The following GPS1 variants were observed in gnomAD, a reference collection of about 807,000 sequenced individuals.
The protein encoded by GPS1 is G protein pathway suppressor 1, also known as COP9 signalosome complex subunit 1.
In GPS1, 11 loss-of-function variants were observed where a neutral mutation model predicts 60.0. The ratio of observed to expected loss-of-function variants is 0.18; its 90% CI spans 0.12 to 0.30. GPS1 has a LOEUF of 0.30. Ranked by LOEUF, GPS1 falls within the 10% of genes least tolerant of loss-of-function variation. The pLI, the probability that GPS1 is intolerant of heterozygous loss-of-function variation, is 1.00. For synonymous variants in GPS1, 343 were observed against 269.8 expected (o/e 1.27, Z -2.66); for missense variants, 543 against 669.2 (o/e 0.81, Z 2.08).
At chr17:82,052,577 G>A (rs2031111414) in intron 1 of GPS1, 19 of 1,266,646 alleles carry the variant, frequency 1.5e-5, no homozygotes, top group Non-Finnish European at 1.9e-5. Flanking sequence ...AGTGCCAAGC[G>A]CAGGAGGGGA....
chr17:82,051,170 C>A, upstream of GPS1: 1 of 1,302,628 alleles, frequency 7.7e-7, no homozygotes, highest in Admixed American at 4.0e-5. The surrounding 1 kb of genome is among the most constrained non-coding windows in gnomAD (Gnocchi z 4.1). Context: ...AGCGTCGGGG[C>A]CTCCCCGGGC....
In GPS1 at chr17:82,056,499, C is replaced by G. The variant is rs949076879; in HGVS notation, c.1065C>G (p.Ala355=). 1 of 1,613,172 alleles carries G rather than the reference C, an allele frequency of 6.2e-7. No individual in the cohort carries two copies. Among genetic ancestry groups the G allele is most frequent in the Non-Finnish European group, 8.5e-7 (1 of 1,180,008 alleles). ...KDNLLLDMYL[A]PHVRTLYTQI... is the part of the protein sequence containing the mutation. ...ACCTGCTCCTGGACATGTATCTGGC[C>G]CCCCATGTCAGGACCCTGTACACCC... The change falls in exon 10 of 13, where the codon GCC becomes GCG. Residue 355 remains alanine (A), a synonymous_variant. Transcript: ENST00000578552.
In GPS1 at chr17:82,053,878, A is replaced by G; in HGVS notation, c.137A>G (p.Gln46Arg). The G allele has an allele frequency of 1.2e-6, 2 of 1,609,442 alleles. No homozygotes were observed. Among genetic ancestry groups the G allele is most frequent in the Non-Finnish European group, 1.7e-6 (2 of 1,178,628 alleles). The change falls in exon 3 of 13, where the codon CAG (glutamine) becomes CGG (arginine). Residue 46 changes from glutamine to arginine, a missense_variant. This residue lies in a region of GPS1 where 181 missense variants were observed against 188.8 expected (regional missense o/e 0.96). Transcript: ENST00000578552. ...VVENPSLDLE[Q>R]YAASYSGLMR... Reference sequence around the variant, plus strand: ...TGTGCCTGCTCCCAGGATCTGGAACAGTACGCGGCCAGCTACAGCGGCCTG... The same window carrying G: ...TGTGCCTGCTCCCAGGATCTGGAACGGTACGCGGCCAGCTACAGCGGCCTG...
upstream of GPS1, chr17:82,051,386 G>C: frequency 7.0e-7 from 1 of 1,432,628 alleles, no homozygotes; most frequent in Non-Finnish European, 9.1e-7. This position sits in a 1 kb window ranked among gnomAD's most constrained non-coding sequence, Gnocchi z 4.1. Flanking sequence ...CGCTGCCCAG[G>C]CCGGAGACCG....
intron 6 of GPS1, chr17:82,055,505 A>G: frequency 1.6e-6 from 1 of 607,282 alleles, no homozygotes; most frequent in Non-Finnish European, 2.9e-6. Context: ...CCCTGCTAGC[A>G]CCTAGGGCTT....
Position 82,054,798 on chromosome 17 carries a change from C to G in GPS1, c.597C>G (p.Leu199=), listed in dbSNP as rs1454349416. ...TSAKHVINMC[L]NVIKVSVYLQ... is the part of the protein sequence containing the mutation. Reference sequence around the variant, plus strand: ...CCAAACACGTCATCAACATGTGCCTCAATGTCATCAAGGTCGGCCTGCCTC... The same window carrying G: ...CCAAACACGTCATCAACATGTGCCTGAATGTCATCAAGGTCGGCCTGCCTC... Residue 199 remains leucine, a synonymous_variant, in exon 4 of 13, where the codon CTC becomes CTG. Coordinates refer to ENST00000578552, the MANE Select transcript of GPS1 (RefSeq NM_001321092.3). 1 of 1,600,380 alleles carries G rather than the reference C, an allele frequency of 6.2e-7. No homozygotes were observed. The highest frequency in any genetic ancestry group is 2.2e-5 in the East Asian group (1 of 44,610).
intron 1 of GPS1, 131 bp downstream of exon 1, chr17:82,052,095 G>T (rs2030813242): frequency 1.2e-6 from 1 of 848,654 alleles, no homozygotes; most frequent in South Asian, 5.5e-5. Flanking sequence ...GGGCCTCCGC[G>T]GGCAGCGCGC....
chr17:82,053,521 C>G lies in GPS1; in HGVS notation c.126+155C>G, dbSNP rs143101982. The G allele has an allele frequency of 3.1e-5, 17 of 555,648 alleles. No individual in the cohort carries two copies. In the South Asian group the frequency reaches 4.8e-4, roughly 16 times the overall value. 34.4% of individuals were successfully genotyped at this position (555,648 alleles called of 1,614,324 possible). A position where few individuals can be genotyped will look rare whatever the true frequency, so the allele number is the denominator to read the frequency against. On this transcript the variant is annotated intron_variant, in intron 2 of 12. Coordinates refer to ENST00000578552, the MANE Select transcript of GPS1 (RefSeq NM_001321092.3). ...CCGAAACCATCAGCGTTTCTGATTG[C>G]GCACTCACATGAGGCTTGTAGCTCA...
chr17:82,051,961 G>T lies in GPS1; in HGVS notation c.30G>T (p.Leu10Phe), dbSNP rs1252529329. ...CGCTGCCGGTTCAGGTGTTTAACTT[G>T]CAGGTAACGAGCCGAGGCCGCCCCG... Reference protein sequence around the residue: MPLPVQVFNLQGAVEPMQID... With the variant: MPLPVQVFNFQGAVEPMQID... Residue 10 changes from leucine to phenylalanine, a missense_variant, in exon 1 of 13, where the codon TTG becomes TTT. Leu to Phe is a conservative substitution (Grantham distance 22). Coordinates refer to ENST00000578552, the MANE Select transcript of GPS1 (RefSeq NM_001321092.3). This position sits in a 1 kb window ranked among gnomAD's most constrained non-coding sequence, Gnocchi z 4.1. 8.6e-7 allele frequency: 1 copy of T among 1,164,536 alleles called. No homozygotes were observed. Among genetic ancestry groups the T allele is most frequent in the Non-Finnish European group, 1.1e-6 (1 of 943,540 alleles). The allele number at this position is 1,164,536 out of a possible 1,614,324, so 72.1% of individuals were successfully genotyped here. A position where few individuals can be genotyped will look rare whatever the true frequency, so the allele number is the denominator to read the frequency against.
chr17:82,053,132 C>G, intron 1 of GPS1, 142 bp from the exon 2 acceptor site: 1 of 563,070 alleles, frequency 1.8e-6, no homozygotes, highest in Non-Finnish European at 2.8e-6. Context: ...GAGGGCACAC[C>G]TGGGGGACAG....
chr17:82,052,635 T>G (rs2031147245), intron 1 of GPS1: 5 of 758,058 alleles, frequency 6.6e-6, no homozygotes, highest in Non-Finnish European at 8.2e-6. Flanking sequence ...GAGCTCTTGG[T>G]GCTTTTCCCG....
upstream of GPS1, chr17:82,051,616 C>CGGGCCGGGACGGGGGCGCGCGCG (rs2030620898): frequency 3.5e-6 from 4 of 1,148,850 alleles, no homozygotes; most frequent in Admixed American, 1.9e-4. This position sits in a 1 kb window ranked among gnomAD's most constrained non-coding sequence, Gnocchi z 4.1. Flanking sequence ...CTGGGGGCAG[C>CGGGCCGGGACGGGGGCGCGCGCG]GGGCCGGGAC....
intron 2 of GPS1, 103 bp from the exon 3 acceptor site, chr17:82,053,765 A>G (rs1183921348): frequency 8.4e-7 from 1 of 1,185,898 alleles, no homozygotes; most frequent in East Asian, 2.5e-5. Flanking sequence ...GCCCAGGGCG[A>G]CATTCTGGCT....
chr17:82,056,742 T>C lies in GPS1; in HGVS notation c.1230T>C (p.Ser410=), dbSNP rs774575484. The part of the protein sequence containing the change: ...LTQLILEGLI[S]ARVDSHSKIL... Reference sequence around the variant, plus strand: ...AGCTAATCCTGGAGGGGCTGATCAGTGCCCGTGTGGACTCACACAGCAAGG... The same window carrying C: ...AGCTAATCCTGGAGGGGCTGATCAGCGCCCGTGTGGACTCACACAGCAAGG... The change falls in exon 11 of 13, where the codon AGT becomes AGC. Residue 410 remains serine, a synonymous_variant. Transcript: ENST00000578552. 3.1e-6 allele frequency: 5 copies of C among 1,588,666 alleles called. No homozygotes were observed. Among genetic ancestry groups the C allele is most frequent in the Non-Finnish European group, 4.3e-6 (5 of 1,166,702 alleles).
At chr17:82,051,775 C>T (rs1185363330), upstream of GPS1, 13 of 1,108,524 alleles carry the variant, frequency 1.2e-5, no homozygotes, top group East Asian at 5.1e-5. The surrounding 1 kb of genome is among the most constrained non-coding windows in gnomAD (Gnocchi z 4.1). Flanking sequence ...ATGCGGCCGC[C>T]GGGACCCCCG....
intron 2 of GPS1, 28 bp downstream of exon 2, chr17:82,053,394 G>A: frequency 7.0e-7 from 1 of 1,435,710 alleles, no homozygotes; most frequent in South Asian, 1.6e-5. Context: ...GGGACCTTGG[G>A]TGTCTCAGTC....
Position 82,051,990 on chromosome 17 carries a change from C to T in GPS1, c.33+26C>T. 1.7e-6 allele frequency: 2 copies of T among 1,153,076 alleles called. No homozygotes were observed. The highest frequency in any genetic ancestry group is 1.1e-6 in the Non-Finnish European group (1 of 936,582). 71.4% of individuals were successfully genotyped at this position (1,153,076 alleles called of 1,614,324 possible). A position where few individuals can be genotyped will look rare whatever the true frequency, so the allele number is the denominator to read the frequency against. ...GTAACGAGCCGAGGCCGCCCCGGGC[C>T]TCCGCGCCCCCGCGCCCCCCGCCAC... On this transcript the variant is annotated intron_variant, in intron 1 of 12. Coordinates refer to ENST00000578552, the MANE Select transcript of GPS1 (RefSeq NM_001321092.3). The surrounding 1 kb of genome is among the most constrained non-coding windows in gnomAD (Gnocchi z 4.1).
intron 1 of GPS1, chr17:82,052,653 G>A: frequency 1.5e-6 from 1 of 664,060 alleles, no homozygotes; most frequent in Non-Finnish European, 2.5e-6. Flanking sequence ...CCGAAGGAGC[G>A]CGGGAGGCCC....
At chr17:82,054,179 C>A in intron 3 of GPS1, 130 bp downstream of exon 3, 1 of 1,092,224 alleles carries the variant, frequency 9.2e-7, no homozygotes, top group Non-Finnish European at 1.3e-6. Flanking sequence ...AGAGCTCTCG[C>A]TCTCTTTTGG....
Sources: gnomAD v4.1 joint callset for allele counts on GRCh38, gnomAD v4.1.1 for gene constraint, gnomAD v4.1.1 regional missense constraint, Gnocchi (gnomAD v3.1) non-coding constraint, MANE v1.5 for transcripts, NCBI Gene and HGNC (gene_info 2026-07-23, HGNC 2026-07-21) for gene names.